The following ERI3 variants were observed in gnomAD, a reference collection of about 807,000 sequenced individuals.
The protein encoded by ERI3 is ERI1 exoribonuclease 3.
In ERI3, 18 loss-of-function variants were observed where a neutral mutation model predicts 44.4. The ratio of observed to expected loss-of-function variants is 0.41; its 90% CI spans 0.28 to 0.60. ERI3 has a LOEUF of 0.60. Ranked by LOEUF, ERI3 falls within the 20% of genes least tolerant of loss-of-function variation. The pLI is 0.36. For missense variants in ERI3, 294 were observed against 435.5 expected (o/e 0.68, Z 2.89); for synonymous variants, 183 against 164.8 (o/e 1.11, Z -0.84).
intron 3 of ERI3, chr1:44,322,797 T>C: frequency 6.5e-7 from 1 of 1,550,000 alleles, no homozygotes; most frequent in Non-Finnish European, 8.7e-7. Context: ...AGCCCAGTAG[T>C]GGGAGAGGTG....
intron 5 of ERI3, among the ~76,000 whole-genome samples, chr1:44,310,986 C>G (rs1572248072): frequency 6.6e-6 from 1 of 150,892 alleles, no homozygotes; most frequent in African/African-American, 2.4e-5. Context: ...CACACACACA[C>G]ACACACACAC....
intron 5 of ERI3, among the ~76,000 whole-genome samples, chr1:44,311,263 T>C (rs1309979382): frequency 6.6e-6 from 1 of 152,148 alleles, no homozygotes; most frequent in Non-Finnish European, 1.5e-5. Flanking sequence ...CAACACTCAG[T>C]GGGGTCCCTG....
intron 8 of ERI3, among the ~76,000 whole-genome samples, chr1:44,240,920 T>C (rs1037932485): frequency 6.6e-6 from 1 of 152,200 alleles, no homozygotes; most frequent in Non-Finnish European, 1.5e-5. Flanking sequence ...TAGGGAGGGA[T>C]GTCCCACAGT....
intron 2 of ERI3, among the ~76,000 whole-genome samples, chr1:44,346,544 T>C (rs1317496123): frequency 6.6e-6 from 1 of 152,194 alleles, no homozygotes; most frequent in Non-Finnish European, 1.5e-5. Context: ...CCTTGCTTCC[T>C]AACACACCAT....
chr1:44,351,599 C>T (rs1403468425), intron 2 of ERI3, among the ~76,000 whole-genome samples: 3 of 152,198 alleles, frequency 2.0e-5, no homozygotes, highest in African/African-American at 7.2e-5. Flanking sequence ...TAAATATTTA[C>T]TATCTTATCC....
At chr1:44,328,760 T>G (rs1646367950) in intron 3 of ERI3, among the ~76,000 whole-genome samples, 1 of 152,222 alleles carries the variant, frequency 6.6e-6, no homozygotes, top group East Asian at 1.9e-4. Context: ...TCCTTATCGC[T>G]GAGGTACTGA....
chr1:44,350,876 G>A (rs779683032), intron 2 of ERI3, among the ~76,000 whole-genome samples: 5 of 151,112 alleles, frequency 3.3e-5, no homozygotes, highest in Non-Finnish European at 7.4e-5. Context: ...ACGAGCCATC[G>A]TGCCCAGCCA....
chr1:44,247,887 C>T (rs748796259), intron 8 of ERI3, 52 bp downstream of exon 8: 8 of 1,469,196 alleles, frequency 5.4e-6, no homozygotes, highest in Admixed American at 1.8e-5. Context: ...CTGGGGCACG[C>T]GGGCAAGGGA....
intron 3 of ERI3, among the ~76,000 whole-genome samples, chr1:44,331,653 C>T (rs1056628130): frequency 1.3e-5 from 2 of 152,216 alleles, no homozygotes; most frequent in Non-Finnish European, 2.9e-5. Context: ...CAGTGAAATA[C>T]TTGCCAGGTT....
intron 3 of ERI3, among the ~76,000 whole-genome samples, chr1:44,323,813 G>C (rs1217385560): frequency 1.3e-5 from 2 of 152,174 alleles, no homozygotes; most frequent in Non-Finnish European, 2.9e-5. Flanking sequence ...GCTTGTGAGG[G>C]ACAGAGCTGG....
intron 4 of ERI3, among the ~76,000 whole-genome samples, chr1:44,317,060 CCTT>C (rs1646102429): frequency 6.6e-6 from 1 of 152,154 alleles, no homozygotes; most frequent in Admixed American, 6.5e-5. Flanking sequence ...AAACTGGAAT[CCTT>C]CTTCCTACTG....
intron 7 of ERI3, among the ~76,000 whole-genome samples, chr1:44,259,992 G>A (rs560018993): frequency 6.6e-6 from 1 of 152,084 alleles, no homozygotes; most frequent in African/African-American, 2.4e-5. Flanking sequence ...CCTAAGGGTA[G>A]CCAGGCCTGG....
intron 7 of ERI3, among the ~76,000 whole-genome samples, chr1:44,254,487 T>TC (rs1010298296): frequency 2.6e-5 from 4 of 151,878 alleles, no homozygotes; most frequent in Non-Finnish European, 4.4e-5. Context: ...CAACCACCCA[T>TC]CCCCCAATTT....
At chr1:44,348,715 G>A (rs1244914187) in intron 2 of ERI3, among the ~76,000 whole-genome samples, 1 of 152,216 alleles carries the variant, frequency 6.6e-6, no homozygotes, top group Admixed American at 6.5e-5. Flanking sequence ...AGTAGATCTG[G>A]ACACGGCATG....
chr1:44,250,616 T>G (rs1426305389), intron 7 of ERI3, among the ~76,000 whole-genome samples: 2 of 152,138 alleles, frequency 1.3e-5, no homozygotes, highest in Non-Finnish European at 2.9e-5. Flanking sequence ...GAGGGCGAGA[T>G]GAATTGGCGT....
chr1:44,229,270 A>C (rs986893351), intron 8 of ERI3, among the ~76,000 whole-genome samples: 1 of 152,250 alleles, frequency 6.6e-6, no homozygotes, highest in African/African-American at 2.4e-5. Context: ...ATCCCAGTGA[A>C]TAACTAATTC....
intron 2 of ERI3, among the ~76,000 whole-genome samples, chr1:44,341,033 C>T (rs1394117668): frequency 6.6e-6 from 1 of 152,162 alleles, no homozygotes; most frequent in Non-Finnish European, 1.5e-5. Context: ...CTTCTCTAAC[C>T]CCATAAAAAA....
chr1:44,265,151 G>GGAGA (rs10631735), intron 7 of ERI3, among the ~76,000 whole-genome samples: 119,405 of 151,824 alleles, frequency 0.79, 47,970 homozygotes, highest in East Asian at 0.98. Flanking sequence ...GAAGCGGGAA[G>GGAGA]GAGAACAAGT....
intron 7 of ERI3, among the ~76,000 whole-genome samples, chr1:44,267,988 G>A (rs528814724): frequency 2.0e-5 from 3 of 152,312 alleles, no homozygotes; most frequent in East Asian, 1.9e-4. Flanking sequence ...AAAGCTTATC[G>A]AGTGGCACAG....
Sources: gnomAD v4.1 joint callset for allele counts (sites outside exome capture counted in the v4.1 genomes callset) on GRCh38, gnomAD v4.1.1 for gene constraint, MANE v1.5 for transcripts, NCBI Gene and HGNC (gene_info 2026-07-23, HGNC 2026-07-21) for gene names.